Variants in C16orf96 observed in about 807,000 individuals in gnomAD.
C16orf96 encodes the protein uncharacterized protein C16orf96.
In C16orf96, 108 loss-of-function variants were observed where a neutral mutation model predicts 103.6. That is an observed-to-expected ratio of 1.04 (90% CI 0.89 to 1.22). The LOEUF (loss-of-function observed/expected upper bound fraction) is 1.22. Ranked by LOEUF, C16orf96 falls within the 50% of genes most tolerant of loss-of-function variation. The pLI, the probability that C16orf96 is intolerant of heterozygous loss-of-function variation, is 0.00. For synonymous variants in C16orf96, 566 were observed against 593.5 expected (o/e 0.95, Z 0.67); for missense variants, 1,586 against 1,464.2 (o/e 1.08, Z -1.36).
intron 5 of C16orf96, among the ~76,000 whole-genome samples, chr16:4,578,474 A>G (rs1048054152): frequency 2.0e-5 from 3 of 152,046 alleles, no homozygotes; most frequent in Admixed American, 2.0e-4. Context: ...TTTAAAAACT[A>G]ATAGGCCGGG....
At chr16:4,564,446 C>G (rs2059366146) in intron 1 of C16orf96, among the ~76,000 whole-genome samples, 1 of 152,190 alleles carries the variant, frequency 6.6e-6, no homozygotes, top group Non-Finnish European at 1.5e-5. Flanking sequence ...ACACCCTCCC[C>G]ATTTTACTCC....
upstream of C16orf96, among the ~76,000 whole-genome samples, chr16:4,552,113 G>GT (rs1420008915): frequency 6.6e-6 from 1 of 152,166 alleles, no homozygotes; most frequent in Admixed American, 6.6e-5. Context: ...TATGGCTGCA[G>GT]TTTGGGGACT....
chr16:4,558,056 C>T (rs992672733), intron 1 of C16orf96, among the ~76,000 whole-genome samples: 1 of 152,216 alleles, frequency 6.6e-6, no homozygotes, highest in African/African-American at 2.4e-5. Flanking sequence ...CCCGGCCTAG[C>T]AGGGGAGATA....
At chr16:4,568,154 C>T (rs74889278) in intron 1 of C16orf96, among the ~76,000 whole-genome samples, 48 of 151,500 alleles carry the variant, frequency 3.2e-4, no homozygotes, top group African/African-American at 1.1e-3. Context: ...ATACTCCTGC[C>T]TCAAGCTCCC....
chr16:4,598,863 A>G (rs940275593), intron 14 of C16orf96, among the ~76,000 whole-genome samples: 2 of 152,046 alleles, frequency 1.3e-5, no homozygotes, highest in African/African-American at 4.8e-5. Context: ...CACGCCTGTA[A>G]TTTCACCACT....
upstream of C16orf96, among the ~76,000 whole-genome samples, chr16:4,555,500 G>C (rs973297847): frequency 6.6e-5 from 10 of 151,448 alleles, no homozygotes; most frequent in African/African-American, 2.2e-4. Flanking sequence ...AGCCTCCAGA[G>C]TAGCTGGGAT....
chr16:4,579,621 T>A (rs1374078000), intron 6 of C16orf96, among the ~76,000 whole-genome samples: 2 of 151,210 alleles, frequency 1.3e-5, no homozygotes, highest in African/African-American at 4.8e-5. Flanking sequence ...CTTATTTTTT[T>A]TTTTTTTTGA....
At chr16:4,551,589 C>G (rs1028226906), upstream of C16orf96, among the ~76,000 whole-genome samples, 3 of 152,086 alleles carry the variant, frequency 2.0e-5, no homozygotes, top group Admixed American at 1.3e-4. Flanking sequence ...GTAGCTGGGA[C>G]TACAGGCACC....
chr16:4,543,803 G>T, the C16orf96 span, among the ~76,000 whole-genome samples: 1 of 151,326 alleles, frequency 6.6e-6, no homozygotes, highest in African/African-American at 2.4e-5. Context: ...CATCACAACT[G>T]GCTAATTTTT....
intron 7 of C16orf96, among the ~76,000 whole-genome samples, chr16:4,580,809 G>A (rs1189485194): frequency 1.3e-5 from 2 of 151,778 alleles, no homozygotes; most frequent in African/African-American, 4.8e-5. Flanking sequence ...CCAACATGGT[G>A]AAACCCCGTC....
At chr16:4,558,355 C>T (rs1165787960) in intron 1 of C16orf96, among the ~76,000 whole-genome samples, 1 of 152,214 alleles carries the variant, frequency 6.6e-6, no homozygotes, top group Non-Finnish European at 1.5e-5. Context: ...GTGGCTCACA[C>T]CTATAATCCC....
chr16:4,555,127 G>A (rs1205386912), upstream of C16orf96, among the ~76,000 whole-genome samples: 1 of 151,596 alleles, frequency 6.6e-6, no homozygotes, highest in Admixed American at 6.5e-5. Flanking sequence ...GCTGGGCGTG[G>A]TGGCAGGCGC....
chr16:4,587,812 T>G (rs1417307542), intron 8 of C16orf96, among the ~76,000 whole-genome samples: 1 of 152,032 alleles, frequency 6.6e-6, no homozygotes, highest in East Asian at 1.9e-4. Flanking sequence ...GGAACATGCC[T>G]GTAGTCCCAG....
chr16:4,571,370 C>T (rs569191961), intron 1 of C16orf96, among the ~76,000 whole-genome samples, 191 bp from the exon 2 acceptor site: 44 of 152,186 alleles, frequency 2.9e-4, no homozygotes, highest in Admixed American at 4.6e-4. Flanking sequence ...TCCTTCTCAT[C>T]CAGGCCACTT....
At position 4,574,775 on chromosome 16, in the gene C16orf96, C is replaced by G; in HGVS notation, c.592C>G (p.Leu198Val). 1 of 1,551,734 alleles carries G rather than the reference C, an allele frequency of 6.4e-7. No homozygotes were observed. The part of the protein sequence containing the change: ...FKIQNWKMVA[L>V]QREVASLQNK... Reference sequence around the variant, plus strand: ...AATACAGAACTGGAAGATGGTTGCACTGCAGCGGGAAGTGGTGAGGGCCAC... The same window carrying G: ...AATACAGAACTGGAAGATGGTTGCAGTGCAGCGGGAAGTGGTGAGGGCCAC... Residue 198 changes from leucine to valine, a missense_variant, in exon 3 of 16, where the codon CTG (leucine) becomes GTG (valine). Physicochemically the swap from Leu to Val is conservative, Grantham distance 32. Coordinates refer to ENST00000444310, the MANE Select transcript of C16orf96 (RefSeq NM_001145011.2).
chr16:4,541,158 C>T, the C16orf96 span, among the ~76,000 whole-genome samples: 16 of 151,900 alleles, frequency 1.1e-4, no homozygotes, highest in Non-Finnish European at 1.5e-4. Context: ...GTGATCCGCC[C>T]GCCTCTGCCT....
intron 2 of C16orf96, among the ~76,000 whole-genome samples, chr16:4,574,146 T>G (rs2059472774): frequency 6.6e-6 from 1 of 151,166 alleles, no homozygotes; most frequent in Admixed American, 6.6e-5. Context: ...TTGGAGATTC[T>G]TAATGTGCTT....
intron 2 of C16orf96, 122 bp downstream of exon 2, chr16:4,571,787 C>G: frequency 1.3e-6 from 1 of 784,362 alleles, no homozygotes; most frequent in Non-Finnish European, 2.0e-6. Context: ...AGGGTGTGGT[C>G]ATGTGGACCC....
At chr16:4,574,813 C>T in intron 3 of C16orf96, 24 bp downstream of exon 3, 1 of 1,549,270 alleles carries the variant, frequency 6.5e-7, no homozygotes, top group Middle Eastern at 1.7e-4. Context: ...TCCCTGTCTT[C>T]CCCCACTCCC....
Sources: allele counts gnomAD v4.1 joint callset (sites outside exome capture counted in the v4.1 genomes callset), GRCh38; gene constraint gnomAD v4.1.1; transcripts MANE v1.5; gene names NCBI Gene and HGNC (gene_info 2026-07-23, HGNC 2026-07-21).